The following PAGE2B variants were observed in gnomAD, a reference collection of about 807,000 sequenced individuals.
PAGE2B encodes putative G antigen family E member 3.
A neutral mutation model predicts 7.6 loss-of-function variants in PAGE2B; 5 were observed. The observed-to-expected ratio is 0.66, with a 90% confidence interval of 0.34 to 1.38. The LOEUF is 1.38. Ranked by LOEUF, PAGE2B falls within the 40% of genes most tolerant of loss-of-function variation. The probability of loss-of-function intolerance (pLI) is 0.04; values close to 1 mark genes in which losing one functional copy is unlikely to be tolerated. For synonymous variants in PAGE2B, 29 were observed against 26.7 expected, an observed-to-expected ratio of 1.09 and a Z score of -0.27; for missense variants, 70 against 78.4, an observed-to-expected ratio of 0.89 and a Z score of 0.41.
At chrX:55,054,011 C>T in the PAGE2B span, among the ~76,000 whole-genome samples, 1 of 111,623 alleles carries the variant, frequency 9.0e-6, no homozygotes, top group Admixed American at 9.5e-5. Context: ...GTCAAGAGAT[C>T]AATACCATCC....
chrX:55,052,686 G>A, the PAGE2B span, among the ~76,000 whole-genome samples: 2 of 112,830 alleles, frequency 1.8e-5, no homozygotes, highest in African/African-American at 6.4e-5. Context: ...GGAGTGACCC[G>A]ATTTTCCAGG....
chrX:55,076,248 T>A, intron 2 of PAGE2B, 123 bp downstream of exon 2: 1 of 836,747 alleles, frequency 1.2e-6, no homozygotes, highest in Non-Finnish European at 1.7e-6. Flanking sequence ...TGGCATCTCA[T>A]GAAGGAAACG....
At chrX:55,031,320 C>G in the PAGE2B span, among the ~76,000 whole-genome samples, 3 of 111,363 alleles carry the variant, frequency 2.7e-5, no homozygotes, top group African/African-American at 9.9e-5. Flanking sequence ...GACTGTGGCA[C>G]AAGTTGGGAG....
chrX:55,031,062 A>C, the PAGE2B span: 1 of 317,350 alleles, frequency 3.2e-6, no homozygotes, highest in South Asian at 3.0e-5. Context: ...CTGGCCCTGC[A>C]TTGGCCCCAA....
At chrX:55,048,970 G>T in the PAGE2B span, among the ~76,000 whole-genome samples, 10 of 111,730 alleles carry the variant, frequency 9.0e-5, no homozygotes, top group Non-Finnish European at 1.5e-4. Context: ...ATTATTTTGA[G>T]ATAAGTCCCA....
chrX:55,074,156 C>CTTT (rs201077314), upstream of PAGE2B, among the ~76,000 whole-genome samples: 1 of 110,828 alleles, frequency 9.0e-6, no homozygotes, highest in African/African-American at 3.3e-5. Flanking sequence ...TGAGGAGTGG[C>CTTT]TTTTTTTTGA....
rs1602276318 is a variant in PAGE2B at position 55,075,917 on chromosome X, T to C, written c.-8-117T>C. On this transcript the variant is annotated intron_variant, in intron 1 of 4. Transcript: ENST00000374971. ...GGGTACTTATCAATGCTCTGTGAAT[T>C]ACGTTGAAAATATTTTCAAAATTAA... The C allele has an allele frequency of 4.0e-6, 3 of 746,365 alleles. No homozygotes were observed. In the East Asian group the frequency reaches 1.1e-4, roughly 27 times the overall value. 61.5% of individuals were successfully genotyped at this position (746,365 alleles called of 1,213,427 possible).
the PAGE2B span, chrX:55,055,857 C>T: frequency 9.2e-6 from 1 of 109,281 alleles, no homozygotes; most frequent in East Asian, 2.9e-4. Context: ...CTTTGTATTT[C>T]TTATATGGGA....
At chrX:55,047,678 G>A in the PAGE2B span, among the ~76,000 whole-genome samples, 3 of 112,075 alleles carry the variant, frequency 2.7e-5, no homozygotes, top group African/African-American at 6.5e-5. Context: ...GTGATGATGA[G>A]CATTTTTTCA....
the PAGE2B span, among the ~76,000 whole-genome samples, chrX:55,063,463 G>A: frequency 5.7e-4 from 63 of 110,823 alleles, no homozygotes; most frequent in Non-Finnish European, 1.2e-3. Flanking sequence ...TAGTTTTCTC[G>A]TGGAGCCTTT....
chrX:55,077,422 C>A lies in PAGE2B; in HGVS notation c.217C>A (p.Gln73Lys). ...VQGPDMEAFQ[Q>K]ELALLKIEDE... The stretch of plus-strand genomic sequence containing the variant: ...AGGGCCTGACATGGAAGCTTTTCAA[C>A]AGGAACTGGCTCTGCTTAAGATAGA... Residue 73 changes from glutamine (Q) to lysine (K), a missense_variant, in exon 4 of 5, where the codon CAG becomes AAG. Physicochemically the swap from Gln to Lys is moderately conservative, Grantham distance 53 (BLOSUM62 1). Coordinates refer to ENST00000374971, the MANE Select transcript of PAGE2B (RefSeq NM_001015038.3). 1 of 1,211,117 alleles carries A rather than the reference C, an allele frequency of 8.3e-7. No individual in the cohort carries two copies. Among genetic ancestry groups the A allele is most frequent in the South Asian group, 1.8e-5 (1 of 56,723 alleles).
At chrX:55,072,187 G>A (rs1446359277), upstream of PAGE2B, among the ~76,000 whole-genome samples, 4 of 112,186 alleles carry the variant, frequency 3.6e-5, no homozygotes, top group Non-Finnish European at 7.5e-5. Flanking sequence ...TTTTGCACTG[G>A]TTTTTCCTCA....
At chrX:55,044,188 C>T in the PAGE2B span, among the ~76,000 whole-genome samples, 1 of 109,860 alleles carries the variant, frequency 9.1e-6, no homozygotes, top group Non-Finnish European at 1.9e-5. Flanking sequence ...ATGTTTATAG[C>T]AGCACAATCA....
chrX:55,049,440 CT>C, the PAGE2B span, among the ~76,000 whole-genome samples: 1 of 111,208 alleles, frequency 9.0e-6, no homozygotes, highest in African/African-American at 3.3e-5. Flanking sequence ...TGGTCCTGGA[CT>C]TTTTTTGGTT....
the PAGE2B span, among the ~76,000 whole-genome samples, chrX:55,040,203 T>C: frequency 9.0e-6 from 1 of 110,562 alleles, no homozygotes; most frequent in Non-Finnish European, 1.9e-5. Context: ...GCAACTTTGT[T>C]ACATATGTAT....
the PAGE2B span, among the ~76,000 whole-genome samples, chrX:55,048,611 G>C: frequency 1.1e-4 from 12 of 111,619 alleles, no homozygotes; most frequent in Non-Finnish European, 2.1e-4. Context: ...CTGTTTGTCT[G>C]TTATTGGTGT....
At position 55,076,626 on chromosome X, in the gene PAGE2B, G is replaced by C. The variant is rs751210421; in HGVS notation, c.142G>C (p.Gly48Arg). 8.3e-7 allele frequency: 1 copy of C among 1,208,176 alleles called. No individual in the cohort carries two copies. Among genetic ancestry groups the C allele is most frequent in the South Asian group, 1.8e-5 (1 of 56,069 alleles). Residue 48 changes from glycine (G) to arginine (R), a missense_variant, in exon 3 of 5, where the codon GGT becomes CGT. By Grantham distance (125) the Gly-to-Arg change is moderately radical. Coordinates refer to ENST00000374971, the MANE Select transcript of PAGE2B (RefSeq NM_001015038.3). ...QEEEPPTDNQ[G>R]IAPSGEIENE... The stretch of plus-strand genomic sequence containing the variant: ...AGAGGAACCACCAACTGATAATCAG[G>C]GTATTGCACCTAGTGGGGAGATCGA...
chrX:55,045,274 G>A, the PAGE2B span, among the ~76,000 whole-genome samples: 5 of 111,476 alleles, frequency 4.5e-5, no homozygotes, highest in African/African-American at 1.6e-4. Context: ...AGTTCTTCTC[G>A]TGGATATTAT....
At chrX:55,071,295 C>T (rs1013952797), upstream of PAGE2B, among the ~76,000 whole-genome samples, 8 of 110,991 alleles carry the variant, frequency 7.2e-5, no homozygotes, top group Non-Finnish European at 1.5e-4. Context: ...TTTCGTTTCT[C>T]CTTCTCTTAT....
Sources: allele counts gnomAD v4.1 joint callset (sites outside exome capture counted in the v4.1 genomes callset), GRCh38; gene constraint gnomAD v4.1.1; transcripts MANE v1.5; gene names NCBI Gene and HGNC (gene_info 2026-07-23, HGNC 2026-07-21).